BANP: variants seen among roughly 807,000 people sequenced by gnomAD.
The protein encoded by BANP is protein BANP.
In BANP, 11 loss-of-function variants were observed where a neutral mutation model predicts 68.1. That is an observed-to-expected ratio of 0.16 (90% CI 0.10 to 0.27). The LOEUF (loss-of-function observed/expected upper bound fraction) is 0.27, where lower values mean the gene tolerates loss of function less well. BANP is among the 10% of genes least tolerant of loss of function. The probability of loss-of-function intolerance (pLI) is 1.00; values close to 1 mark genes in which losing one functional copy is unlikely to be tolerated. For synonymous variants in BANP, 329 were observed against 303.2 expected (o/e 1.09, Z -0.88); for missense variants, 504 against 722.7 (o/e 0.70, Z 3.47).
At chr16:88,050,876 G>A (rs116126893) in intron 11 of BANP, among the ~76,000 whole-genome samples, 3,604 of 151,966 alleles carry the variant, frequency 0.024, 146 homozygotes, top group African/African-American at 0.082. Context: ...TTATAGAGAC[G>A]GGGTTTTGCC....
At chr16:88,053,121 CACT>C (rs1388032214) in intron 11 of BANP, among the ~76,000 whole-genome samples, 1 of 152,218 alleles carries the variant, frequency 6.6e-6, no homozygotes, top group Admixed American at 6.5e-5. Flanking sequence ...CCACCTCCAC[CACT>C]GTCATCTCCA....
At chr16:88,019,652 G>GGCC (rs2075542299) in intron 7 of BANP, among the ~76,000 whole-genome samples, 1 of 56,548 alleles carries the variant, frequency 1.8e-5, no homozygotes, top group Non-Finnish European at 3.0e-5. Flanking sequence ...TGCGGGGGGC[G>GGCC]GGGCGTCCGG....
At chr16:87,955,358 T>C (rs543959549) in intron 1 of BANP, among the ~76,000 whole-genome samples, 1 of 152,338 alleles carries the variant, frequency 6.6e-6, no homozygotes, top group African/African-American at 2.4e-5. Context: ...GACTGCAGCT[T>C]GGTCAGCTTT....
chr16:88,018,697 G>A lies in BANP; in HGVS notation c.895+30G>A. On this transcript the variant is annotated intron_variant, in intron 7 of 13. Transcript: ENST00000682872. This position sits in a 1 kb window ranked among gnomAD's most constrained non-coding sequence, Gnocchi z 7.7. ...GTCGGGCCCCGCCTTGGGGGACTGG[G>A]GTGTGCGGGGAGCTGGGTCAGGACC... is the stretch of plus-strand genomic sequence containing the variant. 6.5e-7 allele frequency: 1 copy of A among 1,544,686 alleles called. No homozygotes were observed. Among genetic ancestry groups the A allele is most frequent in the South Asian group, 1.2e-5 (1 of 83,766 alleles).
rs75433314 is a variant in BANP at position 88,067,636 on chromosome 16, C to T, written c.1377+2304C>T. ...TAAGGGGGTCAGCTGCTGCCACTCC[C>T]ATTCAGAGCCGCTCCCCAGTGCCCA... On this transcript the variant is annotated intron_variant, in intron 12 of 13. Coordinates refer to ENST00000682872, the MANE Select transcript of BANP (RefSeq NM_001386991.1). 3.3e-5 allele frequency among the ~76,000 whole-genome samples: 5 copies of T among 152,216 alleles called. No homozygotes were observed. The East Asian group carries it at 5.8e-4, about 18-fold the overall frequency.
At chr16:87,962,165 GGGAGGT>G (rs1417735595) in intron 1 of BANP, among the ~76,000 whole-genome samples, 2 of 150,320 alleles carry the variant, frequency 1.3e-5, no homozygotes, top group Admixed American at 6.7e-5. Flanking sequence ...ACTTGAACCC[GGGAGGT>G]GGAGGTTGCA....
chr16:88,068,956 C>T (rs1302718786), intron 12 of BANP, among the ~76,000 whole-genome samples: 1 of 152,100 alleles, frequency 6.6e-6, no homozygotes, highest in Non-Finnish European at 1.5e-5. Flanking sequence ...TCTTTCCTGC[C>T]CCTGTCCGTG....
intron 10 of BANP, among the ~76,000 whole-genome samples, 162 bp downstream of exon 10, chr16:88,035,556 C>T (rs1191680305): frequency 1.3e-5 from 2 of 152,264 alleles, no homozygotes; most frequent in Non-Finnish European, 2.9e-5. Flanking sequence ...AGCGGGCCTG[C>T]AGTCTCTGTG....
rs59188158 is a variant in BANP, at chr16:87,983,929, T to G, written c.163-131T>G. Reference sequence around the variant, plus strand: ...TTTCTGGCTCATAGCTCACGGGCTATTTCCAGTGTGGGGATTGTTCTGTCT... The same window carrying G: ...TTTCTGGCTCATAGCTCACGGGCTAGTTCCAGTGTGGGGATTGTTCTGTCT... On this transcript the variant is annotated intron_variant, in intron 3 of 13. Coordinates refer to ENST00000682872, the MANE Select transcript of BANP (RefSeq NM_001386991.1). 1.1e-3 allele frequency: 1,530 copies of G among 1,382,888 alleles called. 19 individuals are homozygous for G. In the African/African-American group the frequency reaches 0.02, roughly 18 times the overall value. 85.7% of individuals were successfully genotyped at this position (1,382,888 alleles called of 1,614,324 possible).
At chr16:87,976,620 T>G (rs1283634747) in intron 2 of BANP, among the ~76,000 whole-genome samples, 1 of 152,180 alleles carries the variant, frequency 6.6e-6, no homozygotes, top group African/African-American at 2.4e-5. Context: ...GCTCACAATT[T>G]ATTCCCCCAG....
chr16:87,963,180 G>A (rs191539926), intron 1 of BANP, among the ~76,000 whole-genome samples: 29 of 152,124 alleles, frequency 1.9e-4, no homozygotes, highest in African/African-American at 6.8e-4. Context: ...GCGCCAGGAC[G>A]ATCTGGGGAT....
intron 4 of BANP, among the ~76,000 whole-genome samples, chr16:87,987,172 A>T (rs1307547813): frequency 6.6e-6 from 1 of 151,896 alleles, no homozygotes; most frequent in Non-Finnish European, 1.5e-5. Context: ...TCTGCCTCCC[A>T]GGCTCAAGCA....
chr16:88,020,852 A>G (rs868746266), intron 7 of BANP, among the ~76,000 whole-genome samples: 8 of 152,242 alleles, frequency 5.3e-5, no homozygotes, highest in African/African-American at 1.9e-4. Flanking sequence ...TTCTTTTATT[A>G]ATCGAGCACA....
chr16:88,071,764 T>C lies in BANP; in HGVS notation c.1378-305T>C. On this transcript the variant is annotated intron_variant, in intron 12 of 13. Coordinates refer to ENST00000682872, the MANE Select transcript of BANP (RefSeq NM_001386991.1). This position sits in a 1 kb window ranked among gnomAD's most constrained non-coding sequence, Gnocchi z 6.5. Reference sequence around the variant, plus strand: ...CTCTGTGGCATTTGCTGTTGCTCTCTTTTTCTGTGGAAGCTCTGCCTTGCT... The same window carrying C: ...CTCTGTGGCATTTGCTGTTGCTCTCCTTTTCTGTGGAAGCTCTGCCTTGCT... The C allele has an allele frequency of 1.6e-6, 1 of 615,108 alleles. No individual in the cohort carries two copies. The allele number at this position is 615,108 out of a possible 1,614,324, so 38.1% of individuals were successfully genotyped here.
intron 1 of BANP, among the ~76,000 whole-genome samples, chr16:87,972,800 T>C (rs1172796567): frequency 6.6e-6 from 1 of 152,188 alleles, no homozygotes; most frequent in African/African-American, 2.4e-5. Context: ...TGTGTTCAGT[T>C]CCAAGCCGTT....
At chr16:88,063,733 ATGT>A (rs1015853689) in intron 11 of BANP, among the ~76,000 whole-genome samples, 1 of 152,130 alleles carries the variant, frequency 6.6e-6, no homozygotes, top group African/African-American at 2.4e-5. Flanking sequence ...CCTGACCGTG[ATGT>A]TGTTTCTGCC....
Position 88,002,567 on chromosome 16 carries a change from T to A in BANP, c.363-1728T>A, listed in dbSNP as rs1032186757. ...GTCATCTTTAGGCAACAGGACATTC[T>A]GGAAGGTGGGGATCTGGAGACTGCG... is the stretch of plus-strand genomic sequence containing the variant. On this transcript the variant is annotated intron_variant, in intron 4 of 13. Coordinates refer to ENST00000682872, the MANE Select transcript of BANP (RefSeq NM_001386991.1). This position sits in a 1 kb window ranked among gnomAD's most constrained non-coding sequence, Gnocchi z 4.6. Among the ~76,000 whole-genome samples, 5 of 152,154 alleles carry A rather than the reference T, an allele frequency of 3.3e-5. No individual in the cohort carries two copies. Among genetic ancestry groups the A allele is most frequent in the African/African-American group, 1.2e-4 (5 of 41,428 alleles).
rs532168090 is a variant in BANP, at chr16:87,995,823, G to A, written c.363-8472G>A. Among the ~76,000 whole-genome samples, 55 of 152,350 alleles carry A rather than the reference G, an allele frequency of 3.6e-4. 1 individual carries two copies. The South Asian group carries it at 4.8e-3, about 13-fold the overall frequency. ...TCTGGGTCAAGATCTTGGGCTCGGC[G>A]GGGCGCCAAGGGGAAGCAGCGCGCC... On this transcript the variant is annotated intron_variant, in intron 4 of 13. Transcript: ENST00000682872.
upstream of BANP, chr16:87,950,886 A>C (rs1647911273): frequency 6.6e-6 from 1 of 152,256 alleles, no homozygotes; most frequent in South Asian, 2.1e-4. Flanking sequence ...AAACGCCACC[A>C]AGCGCTCCGG....
Sources: gnomAD v4.1 joint callset for allele counts (sites outside exome capture counted in the v4.1 genomes callset) on GRCh38, gnomAD v4.1.1 for gene constraint, Gnocchi (gnomAD v3.1) non-coding constraint, MANE v1.5 for transcripts, NCBI Gene and HGNC (gene_info 2026-07-23, HGNC 2026-07-21) for gene names.